SDC3: variants seen among roughly 807,000 people sequenced by gnomAD.
SDC3 encodes syndecan 3, also known as syndecan-3.
In SDC3, 13 loss-of-function variants were observed where a neutral mutation model predicts 24.4. That is an observed-to-expected ratio of 0.53 (90% CI 0.35 to 0.85). The LOEUF is 0.85. Among genes scored for constraint, SDC3 ranks in the 40% least tolerant of loss-of-function variants. SDC3 has a pLI of 0.01. For missense variants in SDC3, 571 were observed against 584.5 expected (o/e 0.98, Z 0.24); for synonymous variants, 295 against 260.9 (o/e 1.13, Z -1.26).
Position 30,870,877 on chromosome 1 carries a change from G to C in SDC3, c.*2334C>G. The C allele has an allele frequency of 6.6e-6, 1 of 152,592 alleles. No homozygotes were observed. The highest frequency in any genetic ancestry group is 1.5e-5 in the Non-Finnish European group (1 of 68,354). The allele number at this position is 152,592 out of a possible 1,614,324, so 9.5% of individuals were successfully genotyped here. ...AGCCCTTTTCTCCTCTATCCTCCCT[G>C]GTTTCTCAGCCTCGGCCTGCCCAGG... is the stretch of plus-strand genomic sequence containing the variant. On this transcript the variant is annotated 3_prime_UTR_variant, in exon 5 of 5. Coordinates refer to ENST00000339394, the MANE Select transcript of SDC3 (RefSeq NM_014654.4).
At chr1:30,906,465 TCTCA>T (rs1267173953) in intron 1 of SDC3, among the ~76,000 whole-genome samples, 1 of 152,086 alleles carries the variant, frequency 6.6e-6, no homozygotes, top group Non-Finnish European at 1.5e-5. Context: ...TATTAAATGC[TCTCA>T]CTAAGTCCTT....
At chr1:30,889,889 C>A (rs1207773360) in intron 1 of SDC3, among the ~76,000 whole-genome samples, 1 of 151,810 alleles carries the variant, frequency 6.6e-6, no homozygotes, top group Non-Finnish European at 1.5e-5. Context: ...TGTCCACACA[C>A]CAAAAAAGGT....
chr1:30,886,476 T>C (rs186649326), intron 1 of SDC3, among the ~76,000 whole-genome samples: 193 of 152,252 alleles, frequency 1.3e-3, no homozygotes, highest in African/African-American at 4.5e-3. Context: ...CCACCAACCA[T>C]GCTCCCATCA....
intron 1 of SDC3, among the ~76,000 whole-genome samples, chr1:30,896,397 G>C (rs1289205294): frequency 1.3e-5 from 2 of 152,204 alleles, no homozygotes; most frequent in African/African-American, 4.8e-5. Flanking sequence ...GCTTGGCAAA[G>C]AATCCTAACA....
chr1:30,885,472 GTTA>G (rs905883710), intron 1 of SDC3, among the ~76,000 whole-genome samples: 2 of 152,182 alleles, frequency 1.3e-5, no homozygotes, highest in Non-Finnish European at 2.9e-5. Flanking sequence ...TAGCACTTTT[GTTA>G]TTAGAGAGCG....
chr1:30,908,487 G>A lies in SDC3; in HGVS notation c.100C>T (p.Pro34Ser). The A allele has an allele frequency of 2.0e-6, 2 of 1,018,556 alleles. No homozygotes were observed. The highest frequency in any genetic ancestry group is 2.3e-6 in the Non-Finnish European group (2 of 851,188). 63.1% of individuals were successfully genotyped at this position (1,018,556 alleles called of 1,614,324 possible). A position where few individuals can be genotyped will look rare whatever the true frequency, so the allele number is the denominator to read the frequency against. The change falls in exon 1 of 5, where the codon CCG becomes TCG. Residue 34 changes from proline (P) to serine (S), a missense_variant. Pro to Ser is a moderately conservative substitution (Grantham distance 74). Coordinates refer to ENST00000339394, the MANE Select transcript of SDC3 (RefSeq NM_014654.4). ...CCCGCCAGCAGCAGCAGCAGCAGCG[G>A]TGGCAGGAGCAGCCCGCGGGCCCCG... ...GPGARGLLLP[P>S]LLLLLLAGRA... is the part of the protein sequence containing the mutation.
At chr1:30,895,845 T>G in intron 1 of SDC3, among the ~76,000 whole-genome samples, 6 of 96,854 alleles carry the variant, frequency 6.2e-5, no homozygotes, top group African/African-American at 1.2e-4. Flanking sequence ...AGGAAGCGAG[T>G]AAGAGGAGGA....
chr1:30,908,539 G>GCCGGCC lies in SDC3; in HGVS notation c.42_47dup (p.Gly20_Ala21dup). The GCCGGCC allele has an allele frequency of 1.1e-6, 1 of 935,332 alleles. No homozygotes were observed. Among genetic ancestry groups the GCCGGCC allele is most frequent in the Non-Finnish European group, 1.3e-6 (1 of 789,852 alleles). The allele number at this position is 935,332 out of a possible 1,614,324, so 57.9% of individuals were successfully genotyped here. Reference sequence around the variant, plus strand: ...GCCCGGCCGCGGCCCCGGCCCCGGCGCCGGCCCCGTGGGCGGCCCCGGCAC... The same window carrying GCCGGCC: ...GCCCGGCCGCGGCCCCGGCCCCGGCGCCGGCCCCGGCCCCGTGGGCGGCCCCGGCAC... On this transcript the variant is annotated inframe_insertion, in exon 1 of 5. Transcript: ENST00000339394.
chr1:30,903,951 T>C (rs1570032634), intron 1 of SDC3, among the ~76,000 whole-genome samples: 1 of 151,080 alleles, frequency 6.6e-6, no homozygotes, highest in East Asian at 2.0e-4. Context: ...TGGCTGGGGG[T>C]TGTGGCTCAC....
intron 1 of SDC3, among the ~76,000 whole-genome samples, chr1:30,891,146 C>T (rs953828869): frequency 1.3e-5 from 2 of 152,256 alleles, no homozygotes; most frequent in Non-Finnish European, 2.9e-5. Context: ...CAGGAAAAGG[C>T]ATGAGGATAT....
intron 1 of SDC3, among the ~76,000 whole-genome samples, chr1:30,896,014 A>G (rs1161006934): frequency 1.3e-5 from 2 of 152,136 alleles, no homozygotes; most frequent in Non-Finnish European, 2.9e-5. Context: ...AACAGGCTCC[A>G]GTGCACCTCT....
At chr1:30,885,278 A>G (rs1639811532) in intron 1 of SDC3, among the ~76,000 whole-genome samples, 1 of 152,148 alleles carries the variant, frequency 6.6e-6, no homozygotes, top group African/African-American at 2.4e-5. Flanking sequence ...TGTTTAAAAA[A>G]TAGGTTACAA....
chr1:30,877,386 G>A (rs1639663845), intron 2 of SDC3: 3 of 641,008 alleles, frequency 4.7e-6, no homozygotes, highest in South Asian at 3.9e-5. Flanking sequence ...AAAATTCTGG[G>A]GGCCGCCTCT....
At chr1:30,880,483 A>G (rs974884732) in intron 1 of SDC3, 1 of 152,204 alleles carries the variant, frequency 6.6e-6, no homozygotes, top group African/African-American at 2.4e-5. Flanking sequence ...AGGCTGGGGA[A>G]GGGGCCACCT....
chr1:30,902,343 C>T (rs1638429128), intron 1 of SDC3, among the ~76,000 whole-genome samples: 1 of 152,180 alleles, frequency 6.6e-6, no homozygotes, highest in African/African-American at 2.4e-5. Context: ...TGGGCTTGGC[C>T]AGTGGGGGAG....
chr1:30,906,673 G>C (rs1171377810), intron 1 of SDC3, among the ~76,000 whole-genome samples: 1 of 152,080 alleles, frequency 6.6e-6, no homozygotes, highest in Non-Finnish European at 1.5e-5. Context: ...TCTGAGGAAG[G>C]GGTCATTAGC....
chr1:30,880,158 G>A (rs1639718367), intron 1 of SDC3: 1 of 152,208 alleles, frequency 6.6e-6, no homozygotes, highest in Admixed American at 6.5e-5. Context: ...TTCATCCCCA[G>A]CTCAGTAGCC....
At chr1:30,908,834 G>C (rs1375352653), upstream of SDC3, 2 of 494 alleles carry the variant, frequency 4.0e-3, no homozygotes, top group Non-Finnish European at 0.059. Context: ...GAACGGAGGA[G>C]GGGCCCGGGG....
chr1:30,902,361 G>A (rs1429057354), intron 1 of SDC3, among the ~76,000 whole-genome samples: 1 of 152,230 alleles, frequency 6.6e-6, no homozygotes, highest in Non-Finnish European at 1.5e-5. Context: ...GAGGGGAGTG[G>A]CTGCCCCTCT....
Sources: allele counts gnomAD v4.1 joint callset (sites outside exome capture counted in the v4.1 genomes callset), GRCh38; gene constraint gnomAD v4.1.1; transcripts MANE v1.5; gene names NCBI Gene and HGNC (gene_info 2026-07-23, HGNC 2026-07-21).